The following RAB28 variants were observed in gnomAD, a reference collection of about 807,000 sequenced individuals.
RAB28 encodes the protein RAB28, member RAS oncogene family.
Under a neutral mutation model 31.7 loss-of-function variants are expected in RAB28, and 24 were observed. That is an observed-to-expected ratio of 0.76 (90% CI 0.55 to 1.06). RAB28 has a LOEUF of 1.06. RAB28 is among the 50% of genes least tolerant of loss of function. RAB28 has a pLI of 0.00. For synonymous variants in RAB28, 100 were observed against 90.4 expected (o/e 1.11, Z -0.60); for missense variants, 254 against 258.5 (o/e 0.98, Z 0.12).
At chr4:13,406,772 T>C (rs886162386) in intron 4 of RAB28, among the ~76,000 whole-genome samples, 2 of 152,372 alleles carry the variant, frequency 1.3e-5, no homozygotes, top group East Asian at 1.9e-4. Context: ...GCTTTTTTCA[T>C]ATAACTATTG....
At chr4:13,387,931 TCAAATTATAAA>T (rs1241504397) in intron 4 of RAB28, among the ~76,000 whole-genome samples, 1 of 151,972 alleles carries the variant, frequency 6.6e-6, no homozygotes, top group Non-Finnish European at 1.5e-5. Flanking sequence ...TTTCCCCAGG[TCAAATTATAAA>T]CTTGATAACC....
chr4:13,383,838 T>C (rs1006339771), intron 4 of RAB28, among the ~76,000 whole-genome samples: 2 of 152,200 alleles, frequency 1.3e-5, no homozygotes, highest in Non-Finnish European at 2.9e-5. Flanking sequence ...CTAGGGGAAC[T>C]GTCAGACCTG....
chr4:13,404,490 CTAAAATTAA>C (rs1400408053), intron 4 of RAB28, among the ~76,000 whole-genome samples: 1 of 152,100 alleles, frequency 6.6e-6, no homozygotes, highest in African/African-American at 2.4e-5. Context: ...ATTCCTCAAT[CTAAAATTAA>C]ACACAAAATT....
chr4:13,432,992 AAAAG>A (rs1199833639), intron 4 of RAB28, among the ~76,000 whole-genome samples: 1 of 152,008 alleles, frequency 6.6e-6, no homozygotes, highest in African/African-American at 2.4e-5. Flanking sequence ...TAAAAAAAAA[AAAAG>A]AAACGGAATT....
In RAB28 at chr4:13,367,919, A is replaced by C. The variant is rs1039839780; in HGVS notation, c.*639T>G. 3.6e-5 allele frequency: 35 copies of C among 981,700 alleles called. No individual in the cohort carries two copies. Among genetic ancestry groups the C allele is most frequent in the Non-Finnish European group, 4.1e-5 (34 of 826,668 alleles). 60.8% of individuals were successfully genotyped at this position (981,700 alleles called of 1,614,324 possible). A position where few individuals can be genotyped will look rare whatever the true frequency, so the allele number is the denominator to read the frequency against. ...TATTACACAATACATAACGACAACG[A>C]TACAGTAATAAAAATACAATATCAA... On this transcript the variant is annotated 3_prime_UTR_variant, in exon 7 of 7. Coordinates refer to ENST00000330852, the MANE Select transcript of RAB28 (RefSeq NM_001017979.3).
chr4:13,379,535 G>C (rs559126825), intron 5 of RAB28, among the ~76,000 whole-genome samples: 3 of 152,110 alleles, frequency 2.0e-5, no homozygotes, highest in Admixed American at 6.6e-5. Context: ...GAAAAATGAA[G>C]ACATGAAAAG....
At chr4:13,383,016 T>A (rs896376002) in intron 4 of RAB28, among the ~76,000 whole-genome samples, 3 of 150,548 alleles carry the variant, frequency 2.0e-5, no homozygotes, top group Non-Finnish European at 4.4e-5. Flanking sequence ...TTTTGCTTTG[T>A]TTTGTTTTTT....
intron 4 of RAB28, among the ~76,000 whole-genome samples, chr4:13,424,065 G>A (rs942360515): frequency 1.3e-5 from 2 of 152,148 alleles, no homozygotes; most frequent in South Asian, 4.1e-4. Context: ...CAATAAAAAT[G>A]TCAAGGAAGC....
At chr4:13,475,692 T>A (rs1190158983) in intron 2 of RAB28, among the ~76,000 whole-genome samples, 1 of 151,498 alleles carries the variant, frequency 6.6e-6, no homozygotes, top group Non-Finnish European at 1.5e-5. Context: ...ATCACCATCA[T>A]TACCACAGAC....
chr4:13,404,390 T>A (rs1711952352), intron 4 of RAB28, among the ~76,000 whole-genome samples: 1 of 151,812 alleles, frequency 6.6e-6, no homozygotes, highest in East Asian at 1.9e-4. Flanking sequence ...GAAAATAAAA[T>A]AAAATAAAAT....
In RAB28 at chr4:13,397,576, A is replaced by C. The variant is rs139323466; in HGVS notation, c.392-15982T>G. 7.0e-4 allele frequency among the ~76,000 whole-genome samples: 106 copies of C among 152,250 alleles called. 1 individual carries two copies. The East Asian group carries it at 0.02, about 29-fold the overall frequency. ...CCTACTAAAATTATAACAATATGAC[A>C]TTCTTCTCTTCAAATCCAATTTCTT... On this transcript the variant is annotated intron_variant, in intron 4 of 6. Transcript: ENST00000330852.
rs1041997911 is a variant in RAB28, at chr4:13,368,333, T to C, written c.*225A>G. 2 of 1,185,888 alleles carry C rather than the reference T, an allele frequency of 1.7e-6. No individual in the cohort carries two copies. The highest frequency in any genetic ancestry group is 3.2e-5 in the African/African-American group (2 of 63,266). 73.5% of individuals were successfully genotyped at this position (1,185,888 alleles called of 1,614,324 possible). A position where few individuals can be genotyped will look rare whatever the true frequency, so the allele number is the denominator to read the frequency against. On this transcript the variant is annotated 3_prime_UTR_variant, in exon 7 of 7. Coordinates refer to ENST00000330852, the MANE Select transcript of RAB28 (RefSeq NM_001017979.3). ...AATGAAGCAGTCTAATTCCAGGGAA[T>C]GGGTTTTCCATTTTGAATTCAAAGT...
intron 6 of RAB28, among the ~76,000 whole-genome samples, chr4:13,375,735 A>G (rs1040915826): frequency 2.0e-5 from 3 of 151,836 alleles, no homozygotes; most frequent in African/African-American, 7.3e-5. Flanking sequence ...ATATCAGTGT[A>G]ACAATTTCAA....
At chr4:13,474,178 C>T (rs751070177) in intron 3 of RAB28, 140 bp downstream of exon 3, 22 of 772,416 alleles carry the variant, frequency 2.8e-5, no homozygotes, top group Non-Finnish European at 4.9e-5. Flanking sequence ...AGAACTAGCA[C>T]AAATATAAAA....
intron 4 of RAB28, among the ~76,000 whole-genome samples, chr4:13,454,195 G>T (rs11944794): frequency 0.056 from 8,508 of 151,892 alleles, 543 homozygotes; most frequent in African/African-American, 0.16. Context: ...TTGGTTATGG[G>T]TTATATCCAT....
intron 4 of RAB28, among the ~76,000 whole-genome samples, chr4:13,420,522 A>T (rs1713068374): frequency 1.3e-5 from 2 of 152,362 alleles, no homozygotes; most frequent in South Asian, 4.1e-4. Context: ...AATACTGGCA[A>T]ACCGAATCCA....
intron 4 of RAB28, among the ~76,000 whole-genome samples, chr4:13,406,363 G>GGT (rs1210886442): frequency 4.6e-5 from 7 of 152,106 alleles, no homozygotes; most frequent in African/African-American, 1.2e-4. Flanking sequence ...AGTATTCCAT[G>GGT]GTGTATATAT....
chr4:13,441,166 G>A (rs975241020), intron 4 of RAB28, among the ~76,000 whole-genome samples: 5 of 152,166 alleles, frequency 3.3e-5, no homozygotes, highest in African/African-American at 1.2e-4. Context: ...ACAAAGGAAA[G>A]TTAATACGCA....
At chr4:13,400,077 A>G (rs559776001) in intron 4 of RAB28, among the ~76,000 whole-genome samples, 1 of 152,238 alleles carries the variant, frequency 6.6e-6, no homozygotes, top group African/African-American at 2.4e-5. Context: ...TTTTCTCTAT[A>G]AAAATAACAG....
Sources: gnomAD v4.1 joint callset for allele counts (sites outside exome capture counted in the v4.1 genomes callset) on GRCh38, gnomAD v4.1.1 for gene constraint, MANE v1.5 for transcripts, NCBI Gene and HGNC (gene_info 2026-07-23, HGNC 2026-07-21) for gene names.